The following HS6ST3 variants were observed in gnomAD, a reference collection of about 807,000 sequenced individuals.
The protein encoded by HS6ST3 is heparan-sulfate 6-O-sulfotransferase 3.
Under a neutral mutation model 36.7 loss-of-function variants are expected in HS6ST3, and 12 were observed. The ratio of observed to expected loss-of-function variants is 0.33; its 90% CI spans 0.21 to 0.53. The LOEUF (loss-of-function observed/expected upper bound fraction) is 0.53, where lower values mean the gene tolerates loss of function less well. Ranked by LOEUF, HS6ST3 falls within the 20% of genes least tolerant of loss-of-function variation. The pLI is 0.95. For synonymous variants in HS6ST3, 240 were observed against 257.5 expected (o/e 0.93, Z 0.65); for missense variants, 584 against 640.9 (o/e 0.91, Z 0.96).
chr13:96,799,457 C>A (rs974274828), intron 1 of HS6ST3, among the ~76,000 whole-genome samples: 2 of 152,066 alleles, frequency 1.3e-5, no homozygotes, highest in African/African-American at 4.8e-5. Flanking sequence ...AGCCATAAAA[C>A]ATGATGAGTT....
At chr13:96,503,128 C>T (rs1376005601) in intron 1 of HS6ST3, among the ~76,000 whole-genome samples, 4 of 151,960 alleles carry the variant, frequency 2.6e-5, no homozygotes, top group African/African-American at 9.7e-5. Flanking sequence ...AAGATCTGAA[C>T]CCCTCCTGTA....
At chr13:96,464,970 G>A (rs975135385) in intron 1 of HS6ST3, among the ~76,000 whole-genome samples, 1 of 73,940 alleles carries the variant, frequency 1.4e-5, no homozygotes, top group Admixed American at 1.1e-4. Flanking sequence ...GTGTGTGTGT[G>A]TGTGTGTGTG....
chr13:96,369,187 C>G (rs966393763), intron 1 of HS6ST3, among the ~76,000 whole-genome samples: 3 of 152,028 alleles, frequency 2.0e-5, no homozygotes, highest in Non-Finnish European at 4.4e-5. Context: ...AGAACAAGAA[C>G]CAAATCCTCC....
At chr13:96,412,467 T>C (rs1292215374) in intron 1 of HS6ST3, among the ~76,000 whole-genome samples, 3 of 152,124 alleles carry the variant, frequency 2.0e-5, no homozygotes, top group African/African-American at 7.2e-5. Context: ...ATGATATAAT[T>C]CTGAGAAACA....
chr13:96,626,139 G>A (rs1390584886), intron 1 of HS6ST3, among the ~76,000 whole-genome samples: 1 of 152,080 alleles, frequency 6.6e-6, no homozygotes, highest in Admixed American at 6.5e-5. Flanking sequence ...ACATCGCCCG[G>A]CCTGTAAAGA....
intron 1 of HS6ST3, among the ~76,000 whole-genome samples, chr13:96,180,442 C>T (rs1030610756): frequency 2.4e-4 from 36 of 151,238 alleles, no homozygotes; most frequent in Admixed American, 2.3e-3. Flanking sequence ...TTGTTGCTTT[C>T]GAAAAGAAAA....
At chr13:96,286,385 T>C (rs2139396611) in intron 1 of HS6ST3, among the ~76,000 whole-genome samples, 1 of 152,292 alleles carries the variant, frequency 6.6e-6, no homozygotes, top group South Asian at 2.1e-4. Flanking sequence ...TGGATGTGTG[T>C]GTGGAGGGAG....
intron 1 of HS6ST3, among the ~76,000 whole-genome samples, chr13:96,827,939 T>C (rs888109513): frequency 6.6e-6 from 1 of 152,188 alleles, no homozygotes; most frequent in Non-Finnish European, 1.5e-5. Context: ...GCAGGATTAA[T>C]AATGGCATGC....
At chr13:96,178,708 T>G (rs1304139665) in intron 1 of HS6ST3, among the ~76,000 whole-genome samples, 1 of 152,134 alleles carries the variant, frequency 6.6e-6, no homozygotes, top group Non-Finnish European at 1.5e-5. Flanking sequence ...TCCTATCAGA[T>G]GCCCATAGGA....
intron 1 of HS6ST3, among the ~76,000 whole-genome samples, chr13:96,115,415 A>G (rs2053889408): frequency 6.6e-6 from 1 of 152,008 alleles, no homozygotes; most frequent in African/African-American, 2.4e-5. Context: ...CCATCCCCCA[A>G]CAGGCCCTGG....
At chr13:96,630,963 T>G (rs553680868) in intron 1 of HS6ST3, among the ~76,000 whole-genome samples, 1 of 152,220 alleles carries the variant, frequency 6.6e-6, no homozygotes, top group Non-Finnish European at 1.5e-5. Context: ...TTGAGTCTTA[T>G]ATTTTTTAGA....
At chr13:96,213,910 T>G (rs1209263754) in intron 1 of HS6ST3, among the ~76,000 whole-genome samples, 3 of 152,208 alleles carry the variant, frequency 2.0e-5, no homozygotes, top group Non-Finnish European at 4.4e-5. Context: ...TTCTTTACTC[T>G]GTTTTTATTG....
chr13:96,262,458 A>C (rs968509240), intron 1 of HS6ST3, among the ~76,000 whole-genome samples: 1 of 152,224 alleles, frequency 6.6e-6, no homozygotes, highest in Non-Finnish European at 1.5e-5. Context: ...GGAAAAATCA[A>C]GAAAATTATG....
chr13:96,215,054 A>G (rs1207726295), intron 1 of HS6ST3, among the ~76,000 whole-genome samples: 2 of 152,196 alleles, frequency 1.3e-5, no homozygotes, highest in African/African-American at 4.8e-5. Context: ...GGGGTCGTCA[A>G]ACCACAGGGG....
At chr13:96,392,549 G>C (rs368292812) in intron 1 of HS6ST3, among the ~76,000 whole-genome samples, 1 of 152,238 alleles carries the variant, frequency 6.6e-6, no homozygotes, top group African/African-American at 2.4e-5. Flanking sequence ...TTGAAAAAGT[G>C]ACACATGATC....
intron 1 of HS6ST3, among the ~76,000 whole-genome samples, chr13:96,703,555 C>A (rs1198803138): frequency 6.6e-6 from 1 of 152,128 alleles, no homozygotes; most frequent in East Asian, 1.9e-4. Flanking sequence ...AAAGAAAATG[C>A]AATAAATTCA....
chr13:96,110,073 G>A (rs994711228), intron 1 of HS6ST3, among the ~76,000 whole-genome samples: 4 of 152,150 alleles, frequency 2.6e-5, no homozygotes, highest in East Asian at 1.9e-4. Context: ...AAAGGAATAC[G>A]TGAGGCTGGG....
intron 1 of HS6ST3, among the ~76,000 whole-genome samples, chr13:96,750,396 C>T (rs1409712504): frequency 1.3e-5 from 2 of 152,228 alleles, no homozygotes; most frequent in Non-Finnish European, 2.9e-5. Flanking sequence ...CCACTCCTTC[C>T]TCACTGGGTG....
At chr13:96,622,946 C>T (rs189975836) in intron 1 of HS6ST3, among the ~76,000 whole-genome samples, 3 of 152,240 alleles carry the variant, frequency 2.0e-5, no homozygotes, top group Admixed American at 6.5e-5. Context: ...TATAATATCA[C>T]TCATGCTTTT....
Sources: gnomAD v4.1 joint callset for allele counts (sites outside exome capture counted in the v4.1 genomes callset) on GRCh38, gnomAD v4.1.1 for gene constraint, MANE v1.5 for transcripts, NCBI Gene and HGNC (gene_info 2026-07-23, HGNC 2026-07-21) for gene names.